The following DHRSX variants were observed in gnomAD, a reference collection of about 807,000 sequenced individuals.
The protein encoded by DHRSX is polyprenol dehydrogenase.
A neutral mutation model predicts 34.0 loss-of-function variants in DHRSX; 31 were observed. The observed-to-expected ratio is 0.91, with a 90% CI of 0.69 to 1.23. The LOEUF (loss-of-function observed/expected upper bound fraction) is 1.23. Among genes scored for constraint, DHRSX ranks in the 50% most tolerant of loss-of-function variants. The probability of loss-of-function intolerance (pLI) is 0.00; values close to 1 mark genes in which losing one functional copy is unlikely to be tolerated. For missense variants in DHRSX, 414 were observed against 428.1 expected (o/e 0.97, Z 0.29); for synonymous variants, 201 against 183.8 (o/e 1.09, Z -0.76).
intron 1 of DHRSX, among the ~76,000 whole-genome samples, chrX:2,499,019 A>T (rs1403432821): frequency 1.3e-5 from 2 of 152,244 alleles, no homozygotes; most frequent in Non-Finnish European, 2.9e-5. Flanking sequence ...CTTAGCTCAC[A>T]GAAAACTCAA....
At chrX:2,271,265 C>A (rs974872998) in intron 4 of DHRSX, among the ~76,000 whole-genome samples, 4 of 152,198 alleles carry the variant, frequency 2.6e-5, no homozygotes, top group Non-Finnish European at 4.4e-5. Flanking sequence ...TCTTTAAAAG[C>A]CCTAACACTC....
intron 3 of DHRSX, among the ~76,000 whole-genome samples, chrX:2,296,139 T>C (rs2041929390): frequency 6.6e-6 from 1 of 152,192 alleles, no homozygotes; most frequent in South Asian, 2.1e-4. Context: ...ATGACCAGTA[T>C]GTTTTTAAGC....
At chrX:2,321,479 T>C (rs1437097902) in intron 3 of DHRSX, among the ~76,000 whole-genome samples, 2 of 151,722 alleles carry the variant, frequency 1.3e-5, no homozygotes, top group African/African-American at 4.8e-5. Flanking sequence ...CTTTGGGAGA[T>C]GATGATGTTT....
At chrX:2,442,472 GTA>G (rs757603927) in intron 1 of DHRSX, among the ~76,000 whole-genome samples, 12 of 150,738 alleles carry the variant, frequency 8.0e-5, no homozygotes, top group East Asian at 3.9e-4. Flanking sequence ...ATGTGTGTGT[GTA>G]TATATATATA....
At chrX:2,371,819 A>AAACTGTTG (rs2043076367) in intron 3 of DHRSX, among the ~76,000 whole-genome samples, 1 of 152,166 alleles carries the variant, frequency 6.6e-6, no homozygotes, top group Non-Finnish European at 1.5e-5. Context: ...TTTTCAAATG[A>AAACTGTTG]AACTGTTGCT....
chrX:2,376,962 C>T (rs2043147314), intron 3 of DHRSX, among the ~76,000 whole-genome samples: 1 of 151,400 alleles, frequency 6.6e-6, no homozygotes, highest in Admixed American at 6.6e-5. Flanking sequence ...CCACTGCACT[C>T]CAGCCTGGGT....
intron 1 of DHRSX, among the ~76,000 whole-genome samples, chrX:2,479,780 G>A (rs2044741571): frequency 6.6e-6 from 1 of 151,466 alleles, no homozygotes; most frequent in Non-Finnish European, 1.5e-5. Flanking sequence ...GGACCACACT[G>A]TAGACGTTCC....
intron 3 of DHRSX, among the ~76,000 whole-genome samples, chrX:2,343,365 C>T (rs754624524): frequency 2.4e-4 from 36 of 152,232 alleles, no homozygotes; most frequent in African/African-American, 7.5e-4. Flanking sequence ...GTGTAGAGCA[C>T]GCTTGACATA....
chrX:2,490,086 T>A, intron 1 of DHRSX: 1 of 1,613,762 alleles, frequency 6.2e-7, no homozygotes, highest in South Asian at 1.1e-5. Flanking sequence ...GCGGCCAGCG[T>A]GACGTAGGCG....
chrX:2,344,912 T>TATAC (rs1183347513), intron 3 of DHRSX, among the ~76,000 whole-genome samples: 4 of 121,814 alleles, frequency 3.3e-5, no homozygotes, highest in African/African-American at 9.2e-5. Flanking sequence ...TATATATATA[T>TATAC]ATACTGTATT....
At chrX:2,479,913 G>A (rs1421557322) in intron 1 of DHRSX, among the ~76,000 whole-genome samples, 1 of 152,198 alleles carries the variant, frequency 6.6e-6, no homozygotes, top group African/African-American at 2.4e-5. Context: ...CCAAGGGACG[G>A]ACGCCATGGA....
intron 4 of DHRSX, among the ~76,000 whole-genome samples, chrX:2,270,002 A>G (rs753482934): frequency 9.2e-5 from 14 of 152,250 alleles, no homozygotes; most frequent in African/African-American, 2.6e-4. Flanking sequence ...AGCTATCTAT[A>G]CATATATGTA....
In DHRSX at chrX:2,431,152, G is replaced by A. The variant is rs770703756; in HGVS notation, c.110-5848C>T. 1.4e-4 allele frequency among the ~76,000 whole-genome samples: 22 copies of A among 151,912 alleles called. No homozygotes were observed. In the South Asian group the frequency reaches 1.7e-3, roughly 12 times the overall value. ...CATCCTGGCTAACACGGTGAAACCC[G>A]GTCTCTACTAAAAATACAAAAAATT... On this transcript the variant is annotated intron_variant, in intron 1 of 6. Transcript: ENST00000334651.
At chrX:2,346,974 T>A (rs1442663347) in intron 3 of DHRSX, among the ~76,000 whole-genome samples, 1 of 152,210 alleles carries the variant, frequency 6.6e-6, no homozygotes, top group Non-Finnish European at 1.5e-5. Context: ...GCAAAGGACA[T>A]GAACTCATTC....
intron 1 of DHRSX, among the ~76,000 whole-genome samples, chrX:2,447,984 C>A (rs2044160820): frequency 6.7e-6 from 1 of 150,324 alleles, no homozygotes; most frequent in African/African-American, 2.5e-5. Flanking sequence ...CACTGAAGGC[C>A]AGAAGTTTGA....
At chrX:2,462,622 C>A (rs1183298038) in intron 1 of DHRSX, among the ~76,000 whole-genome samples, 2 of 152,034 alleles carry the variant, frequency 1.3e-5, no homozygotes, top group African/African-American at 4.8e-5. Context: ...CAGGCAATTT[C>A]CACAAAAGTT....
At chrX:2,425,776 G>A (rs2043837979) in intron 1 of DHRSX, among the ~76,000 whole-genome samples, 1 of 152,192 alleles carries the variant, frequency 6.6e-6, no homozygotes, top group Non-Finnish European at 1.5e-5. Context: ...GTTACTCACA[G>A]GTCCCAAGAG....
At chrX:2,420,344 T>G (rs1453480152) in intron 2 of DHRSX, among the ~76,000 whole-genome samples, 17 of 141,148 alleles carry the variant, frequency 1.2e-4, no homozygotes, top group East Asian at 4.3e-4. Context: ...GGAGGCAGAG[T>G]TTGCGGTGAG....
chrX:2,304,203 A>ATG (rs2042067424), intron 3 of DHRSX, among the ~76,000 whole-genome samples: 2 of 29,614 alleles, frequency 6.8e-5, no homozygotes, highest in African/African-American at 1.3e-4. Flanking sequence ...ATGGATGGAT[A>ATG]AATGGATGGA....
Sources: gnomAD v4.1 joint callset for allele counts (sites outside exome capture counted in the v4.1 genomes callset) on GRCh38, gnomAD v4.1.1 for gene constraint, MANE v1.5 for transcripts, NCBI Gene and HGNC (gene_info 2026-07-23, HGNC 2026-07-21) for gene names.